VSIG10: variants seen among roughly 807,000 people sequenced by gnomAD.
VSIG10 encodes the protein V-set and immunoglobulin domain containing 10.
VSIG10 carries 48 observed loss-of-function variants against 58.7 expected under a neutral mutation model. That is an observed-to-expected ratio of 0.82 (90% CI 0.65 to 1.04). The LOEUF (loss-of-function observed/expected upper bound fraction) is 1.04, where lower values mean the gene tolerates loss of function less well. Among genes scored for constraint, VSIG10 ranks in the 50% least tolerant of loss-of-function variants. VSIG10 has a pLI of 0.00. For missense variants in VSIG10, 628 were observed against 670.0 expected (o/e 0.94, Z 0.69); for synonymous variants, 260 against 267.1 (o/e 0.97, Z 0.26).
chr12:118,101,697 G>A (rs867931929), intron 1 of VSIG10: 1 of 152,158 alleles, frequency 6.6e-6, no homozygotes, highest in Non-Finnish European at 1.5e-5. Flanking sequence ...ATGCATATAA[G>A]TTGTCTGGCA....
At chr12:118,090,380 T>C (rs371550803) in intron 2 of VSIG10, among the ~76,000 whole-genome samples, 71 of 152,350 alleles carry the variant, frequency 4.7e-4, no homozygotes, top group African/African-American at 1.6e-3. Flanking sequence ...TCTTCTTAAC[T>C]TGATTGTATC....
At chr12:118,095,984 G>C (rs970314709) in intron 1 of VSIG10, among the ~76,000 whole-genome samples, 170 bp from the exon 2 acceptor site, 2 of 136,642 alleles carry the variant, frequency 1.5e-5, no homozygotes, top group African/African-American at 5.5e-5. Context: ...GGAGTGCAAT[G>C]GCACTATCTC....
chr12:118,103,550 A>T lies in VSIG10; in HGVS notation c.79+43T>A. 2.0e-6 allele frequency: 3 copies of T among 1,492,024 alleles called. No homozygotes were observed. The South Asian group carries it at 3.7e-5, about 19-fold the overall frequency. 92.4% of individuals were successfully genotyped at this position (1,492,024 alleles called of 1,614,324 possible). ...TCTCGCTGTCCCCTCCCCACCGCTGACTGGGAAAACTCAACTTTTCCCTCC... is the reference window on the plus strand; with the variant it reads ...TCTCGCTGTCCCCTCCCCACCGCTGTCTGGGAAAACTCAACTTTTCCCTCC... On this transcript the variant is annotated intron_variant, in intron 1 of 8. Transcript: ENST00000359236.
intron 2 of VSIG10, among the ~76,000 whole-genome samples, chr12:118,084,698 G>A (rs1343477820): frequency 6.6e-6 from 1 of 152,142 alleles, no homozygotes; most frequent in Non-Finnish European, 1.5e-5. Context: ...GGCCAACATG[G>A]TGAAACCCCA....
At chr12:118,077,343 G>T (rs772136246) in intron 4 of VSIG10, among the ~76,000 whole-genome samples, 3 of 152,024 alleles carry the variant, frequency 2.0e-5, no homozygotes, top group Non-Finnish European at 4.4e-5. Flanking sequence ...AGACCTCCCT[G>T]CCACCCTAGG....
chr12:118,099,662 C>G (rs541370533), intron 1 of VSIG10, among the ~76,000 whole-genome samples: 2 of 152,266 alleles, frequency 1.3e-5, no homozygotes, highest in East Asian at 3.9e-4. Flanking sequence ...GCTGTATAAC[C>G]CTGGACTACA....
chr12:118,088,386 T>C (rs1476340313), intron 2 of VSIG10, among the ~76,000 whole-genome samples: 1 of 152,170 alleles, frequency 6.6e-6, no homozygotes, highest in East Asian at 1.9e-4. Context: ...ATCTCATTAA[T>C]GCATAACACA....
At chr12:118,076,680 T>C (rs987048586) in intron 4 of VSIG10, among the ~76,000 whole-genome samples, 1 of 150,976 alleles carries the variant, frequency 6.6e-6, no homozygotes, top group African/African-American at 2.4e-5. Flanking sequence ...CCCTTTTTTT[T>C]GTTTTGAGAC....
intron 3 of VSIG10, among the ~76,000 whole-genome samples, 185 bp downstream of exon 3, chr12:118,081,942 A>G (rs180740723): frequency 2.0e-3 from 305 of 150,586 alleles, no homozygotes; most frequent in African/African-American, 7.2e-3. Context: ...GCTTGAACCC[A>G]TGAGGTGGAG....
chr12:118,066,245 C>CAAAA lies in VSIG10; in HGVS notation c.*390_*393dup, dbSNP rs35019751. The stretch of plus-strand genomic sequence containing the variant: ...TGGGCAATAGAGGGAGACTCCGTCT[C>CAAAA]AAAAAAAAAAAAAAAAAAAAAAAAA... On this transcript the variant is annotated 3_prime_UTR_variant, in exon 9 of 9. Coordinates refer to ENST00000359236, the MANE Select transcript of VSIG10 (RefSeq NM_019086.6). The CAAAA allele has an allele frequency of 0.019, 756 of 40,198 alleles. 133 individuals carry two copies. Among genetic ancestry groups the CAAAA allele is most frequent in the African/African-American group, 0.04 (297 of 7,446 alleles). 2.5% of individuals were successfully genotyped at this position (40,198 alleles called of 1,614,324 possible).
rs115104762 is a variant in VSIG10, at chr12:118,072,678, T to C, written c.1219+1021A>G. On this transcript the variant is annotated intron_variant, in intron 5 of 8. Transcript: ENST00000359236. ...TTCAAGACCAACCTGGTCAACACAG[T>C]GCGACCTCATCTGTATAAAAAATAA... 2.6e-3 allele frequency among the ~76,000 whole-genome samples: 388 copies of C among 152,096 alleles called. 5 individuals carry two copies. Among genetic ancestry groups the C allele is most frequent in the African/African-American group, 8.6e-3 (357 of 41,510 alleles).
At chr12:118,075,277 G>A (rs2137868629) in intron 4 of VSIG10, among the ~76,000 whole-genome samples, 1 of 151,916 alleles carries the variant, frequency 6.6e-6, no homozygotes, top group East Asian at 1.9e-4. Context: ...ATCCACTGGG[G>A]ATCTAGGAAC....
At chr12:118,084,428 T>C (rs35650033) in intron 2 of VSIG10, among the ~76,000 whole-genome samples, 36,143 of 152,110 alleles carry the variant, frequency 0.24, 5,797 homozygotes, top group African/African-American at 0.46. Flanking sequence ...GTGTACTTCT[T>C]CAATGGGATA....
Position 118,073,850 on chromosome 12 carries a change from C to T in VSIG10, c.1068G>A (p.Gln356=). The T allele has an allele frequency of 6.2e-7, 1 of 1,613,766 alleles. No individual in the cohort carries two copies. Among genetic ancestry groups the T allele is most frequent in the Non-Finnish European group, 8.5e-7 (1 of 1,179,788 alleles). The change falls in exon 5 of 9, where the codon CAG becomes CAA. Residue 356 remains glutamine, a synonymous_variant. Coordinates refer to ENST00000359236, the MANE Select transcript of VSIG10 (RefSeq NM_019086.6). ...GGGTAATGAGATGGCGGCTGCTAGG[C>T]TGGATGATCACCTCGGGCTGGGTAA... ...RNLTQPEVII[Q]PSSRHLITQD...
chr12:118,063,930 G>A lies in VSIG10; in HGVS notation c.*2709C>T, dbSNP rs778170328. 3.9e-5 allele frequency: 6 copies of A among 152,130 alleles called. No individual in the cohort carries two copies. Among genetic ancestry groups the A allele is most frequent in the Non-Finnish European group, 7.4e-5 (5 of 68,010 alleles). 9.4% of individuals were successfully genotyped at this position (152,130 alleles called of 1,614,324 possible). ...ATATCAAAGCCACAGAATTGTGGAG[G>A]CCCCCTTCCCAGGCTCCACCAGGGT... On this transcript the variant is annotated 3_prime_UTR_variant, in exon 9 of 9. Coordinates refer to ENST00000359236, the MANE Select transcript of VSIG10 (RefSeq NM_019086.6).
In VSIG10 at chr12:118,066,581, G is replaced by T; in HGVS notation, c.*58C>A. 4.4e-6 allele frequency: 7 copies of T among 1,576,236 alleles called. No homozygotes were observed. In the East Asian group the frequency reaches 9.0e-5, roughly 20 times the overall value. Reference sequence around the variant, plus strand: ...GGAGTCAAAGCTGAATGAAGAGCTCGTCTTCAATGTAGCTCTCCAAGCTTT... The same window carrying T: ...GGAGTCAAAGCTGAATGAAGAGCTCTTCTTCAATGTAGCTCTCCAAGCTTT... On this transcript the variant is annotated 3_prime_UTR_variant, in exon 9 of 9. Transcript: ENST00000359236.
chr12:118,068,266 C>T (rs901371211), intron 8 of VSIG10, 111 bp downstream of exon 8: 12 of 892,744 alleles, frequency 1.3e-5, no homozygotes, highest in Non-Finnish European at 1.9e-5. Context: ...AACTTCTGGG[C>T]TTAAGTGATC....
intron 8 of VSIG10, among the ~76,000 whole-genome samples, chr12:118,067,857 A>T (rs1316297642): frequency 6.6e-6 from 1 of 152,080 alleles, no homozygotes; most frequent in Non-Finnish European, 1.5e-5. Flanking sequence ...CTAGACCAGG[A>T]CCTTGATAAG....
chr12:118,102,498 C>G (rs950343111), intron 1 of VSIG10: 8 of 152,054 alleles, frequency 5.3e-5, no homozygotes, highest in African/African-American at 1.9e-4. Context: ...CTGCCCAATT[C>G]CAACTGGGAA....
Sources: allele counts gnomAD v4.1 joint callset (sites outside exome capture counted in the v4.1 genomes callset), GRCh38; gene constraint gnomAD v4.1.1; transcripts MANE v1.5; gene names NCBI Gene and HGNC (gene_info 2026-07-23, HGNC 2026-07-21).